Variants in PLEKHG3 observed in about 807,000 individuals in gnomAD.
PLEKHG3 encodes the protein pleckstrin homology domain-containing family G member 3.
Under a neutral mutation model 94.9 loss-of-function variants are expected in PLEKHG3, and 62 were observed. That is an observed-to-expected ratio of 0.65 (90% CI 0.53 to 0.81). The LOEUF is 0.81. Among genes scored for constraint, PLEKHG3 ranks in the 30% least tolerant of loss-of-function variants. PLEKHG3 has a pLI of 0.00. For synonymous variants in PLEKHG3, 614 were observed against 654.0 expected (o/e 0.94, Z 0.93); for missense variants, 1,461 against 1,619.3 (o/e 0.90, Z 1.68).
rs115326088 is a variant in PLEKHG3 at position 64,719,197 on chromosome 14, G to T, written c.-39-8396G>T. On this transcript the variant is annotated intron_variant, in intron 1 of 16. Coordinates refer to ENST00000247226, the MANE Select transcript of PLEKHG3 (RefSeq NM_001308147.2). Reference sequence around the variant, plus strand: ...GATAAACACACGGGTGGTGGGGGAAGGTTAGGTCATGCTGGTTCACCAAGT... The same window carrying T: ...GATAAACACACGGGTGGTGGGGGAATGTTAGGTCATGCTGGTTCACCAAGT... Among the ~76,000 whole-genome samples, 462 of 152,312 alleles carry T rather than the reference G, an allele frequency of 3.0e-3. 1 individual carries two copies. Among genetic ancestry groups the T allele is most frequent in the African/African-American group, 0.01 (436 of 41,572 alleles).
intron 12 of PLEKHG3, among the ~76,000 whole-genome samples, 164 bp from the exon 13 acceptor site, chr14:64,736,689 G>T (rs1324233801): frequency 6.6e-6 from 1 of 152,188 alleles, no homozygotes; most frequent in East Asian, 1.9e-4. Context: ...AAGGGGGCTC[G>T]CCGACACTGT....
At position 64,743,240 on chromosome 14, in the gene PLEKHG3, C is replaced by G; in HGVS notation, c.3197C>G (p.Ala1066Gly). The G allele has an allele frequency of 6.2e-7, 1 of 1,607,178 alleles. No homozygotes were observed. The highest frequency in any genetic ancestry group is 8.5e-7 in the Non-Finnish European group (1 of 1,178,866). The change falls in exon 17 of 17, where the codon GCA (alanine) becomes GGA (glycine). Residue 1066 changes from alanine to glycine, a missense_variant. Physicochemically the swap from Ala to Gly is moderately conservative, Grantham distance 60. Around this residue, in one of 3 missense-constraint regions of PLEKHG3, gnomAD observed 1,201 missense variants for 1,295.5 expected, o/e 0.93. Transcript: ENST00000247226. This position sits in a 1 kb window ranked among gnomAD's most constrained non-coding sequence, Gnocchi z 7.2. ...GCCTCCCGCGATGAGGCACGCCGAG[C>G]AGGGGGCGGCCGGCCCCGCGGCCCA... is the stretch of plus-strand genomic sequence containing the variant. Reference protein sequence around the residue: ...KYASRDEARRAGGGRPRGPPV... With the variant: ...KYASRDEARRGGGGRPRGPPV...
In PLEKHG3 at chr14:64,736,937, G is replaced by A. The variant is rs748997753; in HGVS notation, c.1384+46G>A. 12 of 1,443,206 alleles carry A rather than the reference G, an allele frequency of 8.3e-6. No individual in the cohort carries two copies. In the Admixed American group the frequency reaches 1.9e-4, roughly 22 times the overall value. The allele number at this position is 1,443,206 out of a possible 1,614,324, so 89.4% of individuals were successfully genotyped here. On this transcript the variant is annotated intron_variant, in intron 13 of 16. Transcript: ENST00000247226. ...GCCATTCCCAGTGAGCGGGGGAGGA[G>A]GAGGGAGGAGGGGAAGCAGCCGACA...
Position 64,732,126 on chromosome 14 carries a change from C to A in PLEKHG3, c.1157C>A (p.Thr386Asn). ...ACAGTGGAGGAGAAACGGAACTGGA[C>A]TCACCACATCAAGAGGCTCATCCTA... The part of the protein sequence containing the change: ...AKTVEEKRNW[T>N]HHIKRLILEN... The change falls in exon 10 of 17, where the codon ACT becomes AAT. Residue 386 changes from threonine to asparagine, a missense_variant. Coordinates refer to ENST00000247226, the MANE Select transcript of PLEKHG3 (RefSeq NM_001308147.2). The surrounding 1 kb of genome is among the most constrained non-coding windows in gnomAD (Gnocchi z 4.9). The A allele has an allele frequency of 6.2e-7, 1 of 1,614,022 alleles. No homozygotes were observed. Among genetic ancestry groups the A allele is most frequent in the South Asian group, 1.1e-5 (1 of 91,084 alleles).
intron 1 of PLEKHG3, among the ~76,000 whole-genome samples, chr14:64,708,874 A>G (rs2081019290): frequency 6.7e-6 from 1 of 149,252 alleles, no homozygotes; most frequent in African/African-American, 2.5e-5. Flanking sequence ...CCTGTGATGA[A>G]GGAACTTCCT....
rs1360532970 is a variant in PLEKHG3 at position 64,718,606 on chromosome 14, A to G, written c.-39-8987A>G. On this transcript the variant is annotated intron_variant, in intron 1 of 16. Coordinates refer to ENST00000247226, the MANE Select transcript of PLEKHG3 (RefSeq NM_001308147.2). This position sits in a 1 kb window ranked among gnomAD's most constrained non-coding sequence, Gnocchi z 5.0. ...ATCAGAGAGAGATTGAGGCACAAAGAGCCCGCTGACTTGCTCCTGATCATA... is the reference window on the plus strand; with the variant it reads ...ATCAGAGAGAGATTGAGGCACAAAGGGCCCGCTGACTTGCTCCTGATCATA... Among the ~76,000 whole-genome samples the G allele has an allele frequency of 1.3e-5, 2 of 152,328 alleles. No individual in the cohort carries two copies. The highest frequency in any genetic ancestry group is 2.9e-5 in the Non-Finnish European group (2 of 68,038).
Position 64,735,927 on chromosome 14 carries a change from T to C in PLEKHG3, c.1346-926T>C, listed in dbSNP as rs563988429. On this transcript the variant is annotated intron_variant, in intron 12 of 16. Coordinates refer to ENST00000247226, the MANE Select transcript of PLEKHG3 (RefSeq NM_001308147.2). ...GAAAGAATAGAACATTTTCTACTTT[T>C]CACTTTAAAAACAATTAGGCATTTA... 8.5e-5 allele frequency among the ~76,000 whole-genome samples: 13 copies of C among 152,282 alleles called. No individual in the cohort carries two copies. The South Asian group carries it at 2.7e-3, about 31-fold the overall frequency.
In PLEKHG3 at chr14:64,748,219, T is replaced by A. The variant is rs927310596; in HGVS notation, c.*4516T>A. 6.7e-6 allele frequency: 1 copy of A among 149,722 alleles called. No individual in the cohort carries two copies. Among genetic ancestry groups the A allele is most frequent in the Non-Finnish European group, 1.5e-5 (1 of 68,008 alleles). 9.3% of individuals were successfully genotyped at this position (149,722 alleles called of 1,614,324 possible). Reference sequence around the variant, plus strand: ...CGAGAAAACAGATGATCAACTTTACTGTCTGCCCAGCCATTACCCTCCAAA... The same window carrying A: ...CGAGAAAACAGATGATCAACTTTACAGTCTGCCCAGCCATTACCCTCCAAA... On this transcript the variant is annotated 3_prime_UTR_variant, in exon 17 of 17. Transcript: ENST00000247226.
intron 1 of PLEKHG3, among the ~76,000 whole-genome samples, chr14:64,724,922 G>C (rs1425775181): frequency 6.6e-6 from 1 of 152,210 alleles, no homozygotes; most frequent in Non-Finnish European, 1.5e-5. Context: ...TTCTGGAGTT[G>C]TTGCAAGGGG....
chr14:64,718,513 G>A lies in PLEKHG3; in HGVS notation c.-39-9080G>A, dbSNP rs1184787653. Among the ~76,000 whole-genome samples, 2 of 152,152 alleles carry A rather than the reference G, an allele frequency of 1.3e-5. No individual in the cohort carries two copies. Among genetic ancestry groups the A allele is most frequent in the Non-Finnish European group, 2.9e-5 (2 of 68,028 alleles). On this transcript the variant is annotated intron_variant, in intron 1 of 16. Coordinates refer to ENST00000247226, the MANE Select transcript of PLEKHG3 (RefSeq NM_001308147.2). The surrounding 1 kb of genome is among the most constrained non-coding windows in gnomAD (Gnocchi z 5.0). The stretch of plus-strand genomic sequence containing the variant: ...CTTGTCCTAACTGCAGGGCTGCCAT[G>A]ATGTCTTTGTGCACAGTAGGTGCTT...
intron 13 of PLEKHG3, 54 bp downstream of exon 13, chr14:64,736,945 G>A (rs945910408): frequency 1.1e-5 from 16 of 1,408,386 alleles, no homozygotes; most frequent in Non-Finnish European, 1.5e-5. Flanking sequence ...GAGGAGGGAG[G>A]AGGGGAAGCA....
chr14:64,707,219 G>T (rs1439221821), intron 1 of PLEKHG3, among the ~76,000 whole-genome samples: 1 of 152,172 alleles, frequency 6.6e-6, no homozygotes, highest in African/African-American at 2.4e-5. Flanking sequence ...GGAGGAAGGG[G>T]CTACTGGAGC....
chr14:64,737,000 T>C, intron 13 of PLEKHG3, 109 bp downstream of exon 13: 2 of 860,440 alleles, frequency 2.3e-6, no homozygotes, highest in South Asian at 2.7e-5. Flanking sequence ...ATTGTCAGAA[T>C]AGTGTAGAGG....
rs549388642 is a variant in PLEKHG3, at chr14:64,738,821, G to C, written c.1484G>C (p.Arg495Pro). ...CGGTCTCCAACCAGTACTGAGAAGC[G>C]CATGAGCTTCGAGTCCATTTCTTCC... is the stretch of plus-strand genomic sequence containing the variant. ...SGRSPTSTEK[R>P]MSFESISSLP... The change falls in exon 15 of 17, where the codon CGC becomes CCC. Residue 495 changes from arginine to proline, a missense_variant. By Grantham distance (103) the Arg-to-Pro change is moderately radical. Coordinates refer to ENST00000247226, the MANE Select transcript of PLEKHG3 (RefSeq NM_001308147.2). The surrounding 1 kb of genome is among the most constrained non-coding windows in gnomAD (Gnocchi z 4.8). The C allele has an allele frequency of 2.5e-6, 4 of 1,594,256 alleles. No homozygotes were observed. In the African/African-American group the frequency reaches 5.4e-5, roughly 21 times the overall value.
rs1364020839 is a variant in PLEKHG3, at chr14:64,728,387, G to A, written c.351+405G>A. ...CACCTACCTTGTAGGTGAAGGGCAC[G>A]GAAGGGCAGCTGTGTGGCTGCCACT... On this transcript the variant is annotated intron_variant, in intron 2 of 16. Transcript: ENST00000247226. This position sits in a 1 kb window ranked among gnomAD's most constrained non-coding sequence, Gnocchi z 5.9. Among the ~76,000 whole-genome samples, 1 of 152,246 alleles carries A rather than the reference G, an allele frequency of 6.6e-6. No individual in the cohort carries two copies. The highest frequency in any genetic ancestry group is 1.5e-5 in the Non-Finnish European group (1 of 68,036).
rs1490777365 is a variant in PLEKHG3 at position 64,717,144 on chromosome 14, T to TGTGTGA, written c.-39-10446_-39-10441dup. ...GTGTGTGTGTGTGTGTGTGTGTGTG[T>TGTGTGA]GTGTGAGTCCATAAGGTCTGCTTTG... On this transcript the variant is annotated intron_variant, in intron 1 of 16. Transcript: ENST00000247226. This position sits in a 1 kb window ranked among gnomAD's most constrained non-coding sequence, Gnocchi z 4.7. Among the ~76,000 whole-genome samples, 1 of 151,720 alleles carries TGTGTGA rather than the reference T, an allele frequency of 6.6e-6. No individual in the cohort carries two copies. The highest frequency in any genetic ancestry group is 1.5e-5 in the Non-Finnish European group (1 of 67,970).
intron 16 of PLEKHG3, among the ~76,000 whole-genome samples, chr14:64,742,762 C>T (rs1057436400): frequency 3.9e-5 from 6 of 152,348 alleles, no homozygotes; most frequent in African/African-American, 1.4e-4. Flanking sequence ...AGCTCTCCCC[C>T]TCTGCCTTTG....
chr14:64,735,068 T>C (rs1329156693), intron 12 of PLEKHG3, among the ~76,000 whole-genome samples: 1 of 152,182 alleles, frequency 6.6e-6, no homozygotes, highest in Non-Finnish European at 1.5e-5. Flanking sequence ...CTCTTGAGCC[T>C]TTTAAAACAG....
In PLEKHG3 at chr14:64,737,508, G is replaced by A. The variant is rs1033278632; in HGVS notation, c.1404+133G>A. The A allele has an allele frequency of 1.7e-5, 11 of 651,260 alleles. No homozygotes were observed. In the East Asian group the frequency reaches 2.0e-4, roughly 12 times the overall value. 40.3% of individuals were successfully genotyped at this position (651,260 alleles called of 1,614,324 possible). A position where few individuals can be genotyped will look rare whatever the true frequency, so the allele number is the denominator to read the frequency against. Reference sequence around the variant, plus strand: ...CTACTAAGCACCCACTGTGTACCAGGCTGTGTGGCTTAGGGCCACAGAGAT... The same window carrying A: ...CTACTAAGCACCCACTGTGTACCAGACTGTGTGGCTTAGGGCCACAGAGAT... On this transcript the variant is annotated intron_variant, in intron 14 of 16. Transcript: ENST00000247226.
Sources: allele counts gnomAD v4.1 joint callset (sites outside exome capture counted in the v4.1 genomes callset), GRCh38; gene constraint gnomAD v4.1.1; regional missense constraint gnomAD v4.1.1; non-coding constraint Gnocchi (gnomAD v3.1); transcripts MANE v1.5; gene names NCBI Gene and HGNC (gene_info 2026-07-23, HGNC 2026-07-21).